The following LRRFIP2 variants were observed in gnomAD, a reference collection of about 807,000 sequenced individuals.
LRRFIP2 encodes the protein LRR binding FLII interacting protein 2.
Under a neutral mutation model 125.9 loss-of-function variants are expected in LRRFIP2, and 109 were observed. That is an observed-to-expected ratio of 0.87 (90% CI 0.74 to 1.01). LRRFIP2 has a LOEUF of 1.01. Among genes scored for constraint, LRRFIP2 ranks in the 50% least tolerant of loss-of-function variants. The pLI, the probability that LRRFIP2 is intolerant of heterozygous loss-of-function variation, is 0.00. For missense variants in LRRFIP2, 850 were observed against 862.3 expected, an observed-to-expected ratio of 0.99 and a Z score of 0.18; for synonymous variants, 291 against 293.1, an observed-to-expected ratio of 0.99 and a Z score of 0.07.
At chr3:37,092,064 G>A (rs1039240232) in intron 17 of LRRFIP2, among the ~76,000 whole-genome samples, 29 of 152,134 alleles carry the variant, frequency 1.9e-4, no homozygotes, top group African/African-American at 6.8e-4. Flanking sequence ...TGAGAGAAAG[G>A]GAGTAAAGGG....
chr3:37,080,625 GC>G (rs2092555436), intron 19 of LRRFIP2, among the ~76,000 whole-genome samples: 2 of 151,964 alleles, frequency 1.3e-5, no homozygotes, highest in Admixed American at 6.6e-5. Context: ...ATTTGATTAA[GC>G]CTCTGTGCCT....
At chr3:37,128,384 C>A (rs1193282622) in intron 3 of LRRFIP2, among the ~76,000 whole-genome samples, 1 of 152,126 alleles carries the variant, frequency 6.6e-6, no homozygotes, top group Non-Finnish European at 1.5e-5. Flanking sequence ...ATATTTATTT[C>A]ATTTTAATCA....
chr3:37,132,872 C>A (rs2095463129), intron 2 of LRRFIP2, among the ~76,000 whole-genome samples: 1 of 152,084 alleles, frequency 6.6e-6, no homozygotes. Context: ...TTAATATACA[C>A]CTCATACATA....
chr3:37,105,358 G>C (rs1014089535), intron 14 of LRRFIP2, 97 bp downstream of exon 14: 1 of 1,019,280 alleles, frequency 9.8e-7, no homozygotes, highest in Non-Finnish European at 1.5e-6. Context: ...TGCTCTTTTT[G>C]TCAAATGCAA....
At position 37,174,523 on chromosome 3, in the gene LRRFIP2, G is replaced by C. The variant is rs2096630420; in HGVS notation, c.-56+16C>G. 6.6e-6 allele frequency: 1 copy of C among 151,930 alleles called. No individual in the cohort carries two copies. The highest frequency in any genetic ancestry group is 1.5e-5 in the Non-Finnish European group (1 of 67,978). 9.4% of individuals were successfully genotyped at this position (151,930 alleles called of 1,614,324 possible). On this transcript the variant is annotated intron_variant, in intron 1 of 27. Transcript: ENST00000336686. ...ATTTTGTATAGTGCAAATTCTTTCA[G>C]TGAACATTTTCATACCTTAGTGATG...
At chr3:37,143,036 G>A (rs573188192) in intron 2 of LRRFIP2, among the ~76,000 whole-genome samples, 23 of 151,950 alleles carry the variant, frequency 1.5e-4, no homozygotes, top group Non-Finnish European at 3.2e-4. Context: ...TCCCCCTTGC[G>A]CTCTCGTTTC....
At chr3:37,159,880 G>C (rs2096287311) in intron 1 of LRRFIP2, among the ~76,000 whole-genome samples, 1 of 150,136 alleles carries the variant, frequency 6.7e-6, no homozygotes, top group South Asian at 2.1e-4. Flanking sequence ...AGGCAGCTGG[G>C]GTTTTGACAC....
At chr3:37,136,967 G>C (rs796571115) in intron 2 of LRRFIP2, among the ~76,000 whole-genome samples, 1 of 104,254 alleles carries the variant, frequency 9.6e-6, no homozygotes, top group East Asian at 2.9e-4. Context: ...GGGGGGGGTG[G>C]GGGGGTGGGG....
At chr3:37,059,934 T>C (rs1487159818) in intron 24 of LRRFIP2, among the ~76,000 whole-genome samples, 1 of 152,188 alleles carries the variant, frequency 6.6e-6, no homozygotes, top group Non-Finnish European at 1.5e-5. Context: ...AAGCTCTATA[T>C]TGGGACTAAC....
chr3:37,174,599 C>T (rs1224155502), upstream of LRRFIP2: 1 of 151,912 alleles, frequency 6.6e-6, no homozygotes, highest in Non-Finnish European at 1.5e-5. Context: ...CATTTATCTT[C>T]CCACATCTGG....
chr3:37,126,845 G>A (rs1394732981), intron 4 of LRRFIP2, among the ~76,000 whole-genome samples: 3 of 145,094 alleles, frequency 2.1e-5, no homozygotes, highest in South Asian at 2.1e-4. Flanking sequence ...GGCAACAAGC[G>A]CGAAACTCCA....
intron 6 of LRRFIP2, 32 bp from the exon 7 acceptor site, chr3:37,115,127 G>C (rs745480353): frequency 6.6e-7 from 1 of 1,519,070 alleles, no homozygotes; most frequent in Non-Finnish European, 9.0e-7. Context: ...AAGTTGGTTT[G>C]TTTCCAAATT....
At chr3:37,127,744 A>C in intron 3 of LRRFIP2, 64 bp from the exon 4 acceptor site, 1 of 1,250,112 alleles carries the variant, frequency 8.0e-7, no homozygotes, top group Non-Finnish European at 1.2e-6. Flanking sequence ...CAAAAACCTT[A>C]AATTAATCAT....
intron 27 of LRRFIP2, 52 bp downstream of exon 27, chr3:37,054,359 G>T: frequency 7.1e-7 from 1 of 1,407,426 alleles, no homozygotes; most frequent in Non-Finnish European, 9.9e-7. Flanking sequence ...ATTTCCAGAA[G>T]ATTTTTTCTT....
chr3:37,167,210 AAAAG>A (rs113569381), intron 1 of LRRFIP2, among the ~76,000 whole-genome samples: 5,612 of 150,034 alleles, frequency 0.037, 168 homozygotes, highest in Non-Finnish European at 0.056. Context: ...AAAAAAAAAA[AAAAG>A]AAAGAAAGAA....
chr3:37,094,798 T>A lies in LRRFIP2; in HGVS notation c.1029A>T (p.Glu343Asp), dbSNP rs774624527. The A allele has an allele frequency of 6.2e-7, 1 of 1,610,742 alleles. No individual in the cohort carries two copies. The highest frequency in any genetic ancestry group is 1.7e-5 in the Admixed American group (1 of 59,886). The part of the protein sequence containing the change: ...SLIDPDTSLS[E>D]LRDIYDLKDQ... ...ACCAAAAACTTCAGTTTACCCGCAA[T>A]TCACTTAATGAAGTGTCTGGATCTA... Residue 343 changes from glutamate to aspartate, a missense_variant, in exon 17 of 28, where the codon GAA becomes GAT. Coordinates refer to ENST00000336686, the MANE Select transcript of LRRFIP2 (RefSeq NM_006309.4).
intron 6 of LRRFIP2, among the ~76,000 whole-genome samples, chr3:37,117,783 A>G (rs1184083508): frequency 6.6e-6 from 1 of 152,176 alleles, no homozygotes; most frequent in Admixed American, 6.5e-5. Flanking sequence ...GGACACTGAA[A>G]GTCAAAAGTG....
At chr3:37,057,132 C>T (rs185028212) in intron 25 of LRRFIP2, among the ~76,000 whole-genome samples, 98 of 152,316 alleles carry the variant, frequency 6.4e-4, no homozygotes, top group Admixed American at 3.1e-3. Flanking sequence ...CTTTGTTCTA[C>T]ACCTCCTGCC....
At chr3:37,103,066 A>G (rs2094151795) in intron 14 of LRRFIP2, 53 bp from the exon 15 acceptor site, 1 of 1,396,138 alleles carries the variant, frequency 7.2e-7, no homozygotes, top group East Asian at 2.5e-5. Flanking sequence ...AAAAGAAAGA[A>G]AAAAATAAGA....
Sources: allele counts gnomAD v4.1 joint callset (sites outside exome capture counted in the v4.1 genomes callset), GRCh38; gene constraint gnomAD v4.1.1; transcripts MANE v1.5; gene names NCBI Gene and HGNC (gene_info 2026-07-23, HGNC 2026-07-21).